The following FNBP1 variants were observed in gnomAD, a reference collection of about 807,000 sequenced individuals.
FNBP1 encodes the protein formin binding protein 1, also known as formin-binding protein 1.
A neutral mutation model predicts 90.6 loss-of-function variants in FNBP1; 26 were observed. The ratio of observed to expected loss-of-function variants is 0.29; its 90% CI spans 0.21 to 0.40. The LOEUF (loss-of-function observed/expected upper bound fraction) is 0.40. FNBP1 is among the 10% of genes least tolerant of loss of function. FNBP1 has a pLI of 1.00. For synonymous variants in FNBP1, 260 were observed against 265.2 expected (o/e 0.98, Z 0.19); for missense variants, 635 against 768.0 (o/e 0.83, Z 2.05).
chr9:129,943,728 G>C (rs1200326445), intron 6 of FNBP1, among the ~76,000 whole-genome samples: 1 of 151,908 alleles, frequency 6.6e-6, no homozygotes, highest in African/African-American at 2.4e-5. Flanking sequence ...CACGGTAGCT[G>C]ACGCCTGTAA....
intron 4 of FNBP1, among the ~76,000 whole-genome samples, chr9:129,963,378 G>A (rs2133016404): frequency 6.6e-6 from 1 of 152,148 alleles, no homozygotes; most frequent in African/African-American, 2.4e-5. Flanking sequence ...GATTTTGATT[G>A]AAAAATCCAT....
chr9:129,899,211 G>A (rs2036384547), intron 15 of FNBP1, among the ~76,000 whole-genome samples: 1 of 151,832 alleles, frequency 6.6e-6, no homozygotes, highest in Admixed American at 6.6e-5. Context: ...CCGAGCAGCT[G>A]GGATTACAGG....
At chr9:130,049,710 T>A in the FNBP1 span, among the ~76,000 whole-genome samples, 35,310 of 150,946 alleles carry the variant, frequency 0.23, 4,286 homozygotes, top group Non-Finnish European at 0.28. Context: ...CAAAAAAAAA[T>A]AAAAATAAAA....
At position 129,926,857 on chromosome 9, in the gene FNBP1, G is replaced by T. The variant is rs143965984; in HGVS notation, c.789+338C>A. Among the ~76,000 whole-genome samples the T allele has an allele frequency of 3.5e-4, 53 of 150,424 alleles. 1 individual carries two copies. The highest frequency in any genetic ancestry group is 1.2e-3 in the African/African-American group (51 of 40,858). Reference sequence around the variant, plus strand: ...CCCAAGATCACGCCACTGCACTGCAGCCTGGGCAACAGAGCGAGATTCCAT... The same window carrying T: ...CCCAAGATCACGCCACTGCACTGCATCCTGGGCAACAGAGCGAGATTCCAT... On this transcript the variant is annotated intron_variant, in intron 8 of 16. Transcript: ENST00000446176.
chr9:129,952,047 C>G (rs866991890), intron 6 of FNBP1, among the ~76,000 whole-genome samples: 1 of 151,418 alleles, frequency 6.6e-6, no homozygotes, highest in Non-Finnish European at 1.5e-5. Context: ...CAAAAATTAG[C>G]CAGGTGTGGT....
intron 1 of FNBP1, among the ~76,000 whole-genome samples, chr9:129,999,184 T>C (rs1404828226): frequency 6.6e-6 from 1 of 152,170 alleles, no homozygotes; most frequent in African/African-American, 2.4e-5. Context: ...ACAAATATTA[T>C]AAACGGCTCT....
intron 4 of FNBP1, among the ~76,000 whole-genome samples, chr9:129,976,382 T>C (rs2050314272): frequency 6.6e-6 from 1 of 152,132 alleles, no homozygotes. Flanking sequence ...AGTAAAACTG[T>C]CCCTAGTTGA....
chr9:129,915,438 C>T (rs1025436571), intron 11 of FNBP1, among the ~76,000 whole-genome samples: 6 of 152,174 alleles, frequency 3.9e-5, no homozygotes, highest in Non-Finnish European at 7.3e-5. Flanking sequence ...AATCTCGGCT[C>T]ACTGCACCCT....
chr9:129,993,493 A>AC (rs929988983), intron 2 of FNBP1, among the ~76,000 whole-genome samples: 1 of 150,710 alleles, frequency 6.6e-6, no homozygotes, highest in Non-Finnish European at 1.5e-5. Context: ...AAAAAAAAAA[A>AC]AACAGAGACA....
chr9:129,938,818 C>G (rs930821492), intron 6 of FNBP1, among the ~76,000 whole-genome samples: 15 of 152,092 alleles, frequency 9.9e-5, no homozygotes, highest in African/African-American at 3.4e-4. Flanking sequence ...ATGATGTTGG[C>G]AAGCCTCCAA....
At chr9:130,033,676 CA>C (rs545221642) in intron 1 of FNBP1, among the ~76,000 whole-genome samples, 1 of 150,282 alleles carries the variant, frequency 6.7e-6, no homozygotes, top group African/African-American at 2.5e-5. Flanking sequence ...CCCACCTCTA[CA>C]AAAAAAACTT....
At chr9:129,949,715 C>G (rs2045876590) in intron 6 of FNBP1, among the ~76,000 whole-genome samples, 1 of 147,698 alleles carries the variant, frequency 6.8e-6, no homozygotes, top group Non-Finnish European at 1.5e-5. Flanking sequence ...TAAAAACAAA[C>G]AAACAAACAA....
At chr9:130,038,375 G>T (rs998594671) in intron 1 of FNBP1, among the ~76,000 whole-genome samples, 2 of 121,780 alleles carry the variant, frequency 1.6e-5, no homozygotes, top group Non-Finnish European at 3.5e-5. Flanking sequence ...AAAAAAAAAA[G>T]ACATACAATC....
At chr9:129,933,723 G>A (rs1033393512) in intron 6 of FNBP1, 3 of 152,168 alleles carry the variant, frequency 2.0e-5, no homozygotes, top group East Asian at 1.9e-4. Flanking sequence ...TGCAAAGGAC[G>A]ATCTATTTCT....
intron 10 of FNBP1, 42 bp from the exon 11 acceptor site, chr9:129,916,022 AAGAGAG>A (rs755578894): frequency 4.7e-6 from 7 of 1,480,096 alleles, no homozygotes; most frequent in Non-Finnish European, 6.6e-6. Context: ...AATAGAGAGA[AAGAGAG>A]AGAGAAAGAG....
intron 6 of FNBP1, among the ~76,000 whole-genome samples, chr9:129,943,992 CAAAAA>C (rs397936316): frequency 1.2e-4 from 7 of 59,920 alleles, no homozygotes; most frequent in Non-Finnish European, 2.0e-4. Context: ...GACTCCATCT[CAAAAA>C]AAAAAAAAAA....
intron 13 of FNBP1, among the ~76,000 whole-genome samples, chr9:129,901,793 TC>T (rs2036995481): frequency 6.6e-6 from 1 of 152,058 alleles, no homozygotes; most frequent in Non-Finnish European, 1.5e-5. Context: ...ACACCTGTAG[TC>T]CCAGCTACTC....
chr9:129,905,294 G>GTATATATATATATATATATATA lies in FNBP1; in HGVS notation c.1296-2294_1296-2293insTATATATATATATATATATATA, dbSNP rs56217495. 9.8e-4 allele frequency among the ~76,000 whole-genome samples: 130 copies of GTATATATATATATATATATATA among 132,310 alleles called. 1 individual carries two copies. Among genetic ancestry groups the GTATATATATATATATATATATA allele is most frequent in the Middle Eastern group, 7.8e-3 (2 of 256 alleles). The allele number at this position is 132,310 out of a possible 152,430, so 86.8% of individuals were successfully genotyped here. A position where few individuals can be genotyped will look rare whatever the true frequency, so the allele number is the denominator to read the frequency against. The stretch of plus-strand genomic sequence containing the variant: ...TTGAATTGTGTGTGTGTGTGTGTGT[G>GTATATATATATATATATATATA]TATATATATATATATATATTTTGTT... On this transcript the variant is annotated intron_variant, in intron 12 of 16. Coordinates refer to ENST00000446176, the MANE Select transcript of FNBP1 (RefSeq NM_015033.3).
At chr9:130,030,171 A>G (rs2132122856) in intron 1 of FNBP1, among the ~76,000 whole-genome samples, 1 of 152,246 alleles carries the variant, frequency 6.6e-6, no homozygotes, top group African/African-American at 2.4e-5. Flanking sequence ...ACACTGGCTC[A>G]TGCCTGTAAT....
Sources: allele counts gnomAD v4.1 joint callset (sites outside exome capture counted in the v4.1 genomes callset), GRCh38; gene constraint gnomAD v4.1.1; transcripts MANE v1.5; gene names NCBI Gene and HGNC (gene_info 2026-07-23, HGNC 2026-07-21).